ZMIZ1: variants seen among roughly 807,000 people sequenced by gnomAD.
The protein encoded by ZMIZ1 is zinc finger MIZ domain-containing protein 1.
A neutral mutation model predicts 113.9 loss-of-function variants in ZMIZ1; 17 were observed. That is an observed-to-expected ratio of 0.15 (90% CI 0.10 to 0.22). The LOEUF (loss-of-function observed/expected upper bound fraction) is 0.22. ZMIZ1 is among the 10% of genes least tolerant of loss of function. ZMIZ1 has a pLI of 1.00. For missense variants in ZMIZ1, 1,059 were observed against 1,477.8 expected (o/e 0.72, Z 4.65); for synonymous variants, 607 against 603.1 (o/e 1.01, Z -0.09).
intron 1 of ZMIZ1, among the ~76,000 whole-genome samples, chr10:79,074,936 C>T (rs1441985063): frequency 6.6e-6 from 1 of 152,272 alleles, no homozygotes; most frequent in Non-Finnish European, 1.5e-5. Flanking sequence ...GCCGGAGTTA[C>T]TGCAGGATTG....
chr10:79,191,586 C>A (rs1847605894), intron 4 of ZMIZ1, among the ~76,000 whole-genome samples: 1 of 152,194 alleles, frequency 6.6e-6, no homozygotes, highest in South Asian at 2.1e-4. Context: ...ACTGGACGGG[C>A]CTGTGACTCC....
intron 7 of ZMIZ1, among the ~76,000 whole-genome samples, chr10:79,238,584 A>G (rs1849689458): frequency 6.6e-6 from 1 of 152,226 alleles, no homozygotes; most frequent in Non-Finnish European, 1.5e-5. Context: ...GAGGGAAAGA[A>G]TATAAAACGG....
intron 3 of ZMIZ1, among the ~76,000 whole-genome samples, chr10:79,154,397 C>T (rs1263131768): frequency 6.6e-6 from 1 of 152,084 alleles, no homozygotes; most frequent in African/African-American, 2.4e-5. Flanking sequence ...CTAGGGCAGC[C>T]CTCAGAAGCA....
intron 4 of ZMIZ1, among the ~76,000 whole-genome samples, chr10:79,166,238 C>T (rs1846342979): frequency 6.6e-6 from 1 of 152,354 alleles, no homozygotes; most frequent in Non-Finnish European, 1.5e-5. Flanking sequence ...TACCAGGCCT[C>T]CCAGCAGCAC....
intron 7 of ZMIZ1, among the ~76,000 whole-genome samples, chr10:79,244,666 TGTGGCAG>T (rs1484139452): frequency 6.6e-6 from 1 of 152,206 alleles, no homozygotes; most frequent in Non-Finnish European, 1.5e-5. Flanking sequence ...GAAGGCTTTG[TGTGGCAG>T]GTGGCATGGA....
intron 7 of ZMIZ1, among the ~76,000 whole-genome samples, chr10:79,222,829 G>A (rs1030897830): frequency 3.3e-5 from 5 of 152,174 alleles, no homozygotes; most frequent in African/African-American, 1.2e-4. Flanking sequence ...CAAGGGCCCT[G>A]GAGAGTGCTC....
chr10:79,115,556 G>A (rs866584550), intron 1 of ZMIZ1, among the ~76,000 whole-genome samples: 6 of 152,340 alleles, frequency 3.9e-5, no homozygotes, highest in South Asian at 2.1e-4. Context: ...CCTCAGCACT[G>A]CCTTGGCCTG....
In ZMIZ1 at chr10:79,296,457, C is replaced by T. The variant is rs1284682636; in HGVS notation, c.1231-14C>T. 1 of 1,613,666 alleles carries T rather than the reference C, an allele frequency of 6.2e-7. No individual in the cohort carries two copies. Among genetic ancestry groups the T allele is most frequent in the Non-Finnish European group, 8.5e-7 (1 of 1,179,754 alleles). ...ATTGAACGTGTTTCCCCTCTCCTTT[C>T]TCTCCCACCACAGCCCAACTATGGA... is the stretch of plus-strand genomic sequence containing the variant. On this transcript the variant is annotated splice_polypyrimidine_tract_variant and intron_variant, in intron 12 of 24. Coordinates refer to ENST00000334512, the MANE Select transcript of ZMIZ1 (RefSeq NM_020338.4). This position sits in a 1 kb window ranked among gnomAD's most constrained non-coding sequence, Gnocchi z 4.1.
intron 4 of ZMIZ1, among the ~76,000 whole-genome samples, chr10:79,191,971 C>A (rs1430359595): frequency 6.6e-6 from 1 of 152,230 alleles, no homozygotes; most frequent in Non-Finnish European, 1.5e-5. Flanking sequence ...GTACCTCTTT[C>A]CACTCTGAGG....
intron 1 of ZMIZ1, among the ~76,000 whole-genome samples, chr10:79,072,000 C>A (rs1842303436): frequency 6.6e-6 from 1 of 151,740 alleles, no homozygotes; most frequent in Admixed American, 6.6e-5. Flanking sequence ...GAGAAGGGAG[C>A]AGTAGGGAGT....
chr10:79,180,220 C>A (rs756349894), intron 4 of ZMIZ1, among the ~76,000 whole-genome samples: 1 of 152,158 alleles, frequency 6.6e-6, no homozygotes, highest in Non-Finnish European at 1.5e-5. Flanking sequence ...CCCCGAGGTG[C>A]CAGGCTGTGC....
intron 6 of ZMIZ1, among the ~76,000 whole-genome samples, chr10:79,212,481 T>G (rs1747527128): frequency 6.6e-6 from 1 of 152,116 alleles, no homozygotes; most frequent in South Asian, 2.1e-4. Context: ...TAAAAAATTT[T>G]TTGCACAGAT....
At chr10:79,214,605 C>T (rs76851388) in intron 6 of ZMIZ1, among the ~76,000 whole-genome samples, 4,203 of 152,208 alleles carry the variant, frequency 0.028, 184 homozygotes, top group African/African-American at 0.096. Flanking sequence ...GCGTGGGGAA[C>T]GATTCTGTTG....
At chr10:79,130,026 C>T (rs959600518) in intron 2 of ZMIZ1, among the ~76,000 whole-genome samples, 4 of 152,248 alleles carry the variant, frequency 2.6e-5, no homozygotes, top group African/African-American at 7.2e-5. Flanking sequence ...TCCAAGCCCC[C>T]AGAGGGCTGC....
chr10:79,190,330 G>T (rs1375856085), intron 4 of ZMIZ1, among the ~76,000 whole-genome samples: 1 of 152,176 alleles, frequency 6.6e-6, no homozygotes, highest in African/African-American at 2.4e-5. Context: ...CTGAGGCCTG[G>T]GTGTGGGCCC....
intron 1 of ZMIZ1, among the ~76,000 whole-genome samples, chr10:79,079,452 G>A (rs1452407886): frequency 6.6e-6 from 1 of 152,278 alleles, no homozygotes; most frequent in East Asian, 1.9e-4. Context: ...GTTGAATGGA[G>A]TGGAACTGTC....
At chr10:79,106,407 A>G (rs1092116) in intron 1 of ZMIZ1, among the ~76,000 whole-genome samples, 136,052 of 152,304 alleles carry the variant, frequency 0.89, 61,124 homozygotes, top group African/African-American at 0.98. Flanking sequence ...GTAAGAGAGC[A>G]TGGGGACCAA....
chr10:79,096,545 C>T (rs574065852), intron 1 of ZMIZ1, among the ~76,000 whole-genome samples: 27 of 152,206 alleles, frequency 1.8e-4, no homozygotes, highest in African/African-American at 6.0e-4. Flanking sequence ...AGAAATGAGA[C>T]GGCTTCAAAG....
chr10:79,122,146 T>C (rs1180794971), intron 2 of ZMIZ1, among the ~76,000 whole-genome samples: 1 of 151,810 alleles, frequency 6.6e-6, no homozygotes, highest in Non-Finnish European at 1.5e-5. Flanking sequence ...AAGAACTGAG[T>C]TCACGTGCAG....
Sources: gnomAD v4.1 joint callset for allele counts (sites outside exome capture counted in the v4.1 genomes callset) on GRCh38, gnomAD v4.1.1 for gene constraint, Gnocchi (gnomAD v3.1) non-coding constraint, MANE v1.5 for transcripts, NCBI Gene and HGNC (gene_info 2026-07-23, HGNC 2026-07-21) for gene names.